MAML1: variants seen among roughly 807,000 people sequenced by gnomAD.
MAML1 encodes mastermind like transcriptional coactivator 1, also known as mastermind-like protein 1.
Under a neutral mutation model 77.1 loss-of-function variants are expected in MAML1, and 14 were observed. The observed-to-expected ratio is 0.18, with a 90% CI of 0.12 to 0.28. The LOEUF is 0.28. Ranked by LOEUF, MAML1 falls within the 10% of genes least tolerant of loss-of-function variation. MAML1 has a pLI of 1.00. For synonymous variants in MAML1, 516 were observed against 551.9 expected (o/e 0.93, Z 0.91); for missense variants, 1,217 against 1,327.8 (o/e 0.92, Z 1.30).
At position 179,775,780 on chromosome 5, in the gene MAML1, A is replaced by G; in HGVS notation, c.*903A>G. The G allele has an allele frequency of 3.0e-6, 3 of 985,560 alleles. No homozygotes were observed. Among genetic ancestry groups the G allele is most frequent in the Non-Finnish European group, 3.6e-6 (3 of 829,980 alleles). The allele number at this position is 985,560 out of a possible 1,614,324, so 61.1% of individuals were successfully genotyped here. On this transcript the variant is annotated 3_prime_UTR_variant, in exon 5 of 5. Coordinates refer to ENST00000292599, the MANE Select transcript of MAML1 (RefSeq NM_014757.5). ...GCGTGGTCACTGTGCAGTTGTGCACAGATGTCTTTCCTTTACCGTTGGCCT... is the reference window on the plus strand; with the variant it reads ...GCGTGGTCACTGTGCAGTTGTGCACGGATGTCTTTCCTTTACCGTTGGCCT...
chr5:179,735,081 G>C (rs1378498578), intron 1 of MAML1, among the ~76,000 whole-genome samples: 2 of 152,216 alleles, frequency 1.3e-5, no homozygotes, highest in African/African-American at 4.8e-5. Context: ...GCTAGATGAC[G>C]AGTTAGTGGG....
At position 179,766,582 on chromosome 5, in the gene MAML1, C is replaced by T. The variant is rs1779824321; in HGVS notation, c.1572C>T (p.Asp524=). 6.2e-7 allele frequency: 1 copy of T among 1,611,688 alleles called. No homozygotes were observed. Among genetic ancestry groups the T allele is most frequent in the South Asian group, 1.1e-5 (1 of 90,942 alleles). ...NTKPLSHYKA[D]CGQGSPGSGQ... ...AACCCCTTTCTCATTACAAAGCGGA[C>T]TGTGGGCAAGGCAGCCCGGGGTCTG... The change falls in exon 2 of 5, where the codon GAC becomes GAT. Residue 524 remains aspartate, a synonymous_variant. Transcript: ENST00000292599. The surrounding 1 kb of genome is among the most constrained non-coding windows in gnomAD (Gnocchi z 4.0).
chr5:179,741,320 T>G (rs889192976), intron 1 of MAML1, among the ~76,000 whole-genome samples: 1 of 152,174 alleles, frequency 6.6e-6, no homozygotes, highest in African/African-American at 2.4e-5. Flanking sequence ...CAAAGCCGAG[T>G]TCAGGGCTAA....
At position 179,771,098 on chromosome 5, in the gene MAML1, G is replaced by T; in HGVS notation, c.1972-49G>T. The T allele has an allele frequency of 6.9e-7, 1 of 1,456,500 alleles. No homozygotes were observed. The highest frequency in any genetic ancestry group is 9.6e-7 in the Non-Finnish European group (1 of 1,036,724). 90.2% of individuals were successfully genotyped at this position (1,456,500 alleles called of 1,614,324 possible). A position where few individuals can be genotyped will look rare whatever the true frequency, so the allele number is the denominator to read the frequency against. On this transcript the variant is annotated intron_variant, in intron 3 of 4. Transcript: ENST00000292599. The surrounding 1 kb of genome is among the most constrained non-coding windows in gnomAD (Gnocchi z 4.7). The stretch of plus-strand genomic sequence containing the variant: ...TGACCTCCCTCACTCCCTTTGTTTT[G>T]GATTTTGTTATATGTTGGTTTTGTT...
chr5:179,755,032 A>G (rs1779583650), intron 1 of MAML1, among the ~76,000 whole-genome samples: 1 of 152,110 alleles, frequency 6.6e-6, no homozygotes. Flanking sequence ...GAGGTGAAAG[A>G]GAGGCATATT....
At chr5:179,759,819 A>AG (rs1341953578) in intron 1 of MAML1, among the ~76,000 whole-genome samples, 1 of 152,188 alleles carries the variant, frequency 6.6e-6, no homozygotes, top group African/African-American at 2.4e-5. Context: ...ACAGGTTGGG[A>AG]GGGCAGGATC....
chr5:179,758,383 TTTTC>T (rs1195184200), intron 1 of MAML1, among the ~76,000 whole-genome samples: 3 of 144,340 alleles, frequency 2.1e-5, no homozygotes, highest in African/African-American at 7.5e-5. Flanking sequence ...TCTGATTTTT[TTTTC>T]TTTTTCTTTT....
At chr5:179,770,040 C>T (rs1171125496) in intron 3 of MAML1, among the ~76,000 whole-genome samples, 1 of 152,194 alleles carries the variant, frequency 6.6e-6, no homozygotes, top group African/African-American at 2.4e-5. Flanking sequence ...GCAACCATTA[C>T]CACAATCCAT....
In MAML1 at chr5:179,774,989, G is replaced by T; in HGVS notation, c.*112G>T. The T allele has an allele frequency of 6.7e-7, 1 of 1,490,042 alleles. No individual in the cohort carries two copies. Among genetic ancestry groups the T allele is most frequent in the Non-Finnish European group, 8.9e-7 (1 of 1,128,960 alleles). The allele number at this position is 1,490,042 out of a possible 1,614,324, so 92.3% of individuals were successfully genotyped here. A position where few individuals can be genotyped will look rare whatever the true frequency, so the allele number is the denominator to read the frequency against. Reference sequence around the variant, plus strand: ...AGCCCATGGCCTGGGGAGCTGGGCAGGTAGAGCCCAAGCTCCAGGTGAGGC... The same window carrying T: ...AGCCCATGGCCTGGGGAGCTGGGCATGTAGAGCCCAAGCTCCAGGTGAGGC... On this transcript the variant is annotated 3_prime_UTR_variant, in exon 5 of 5. Transcript: ENST00000292599.
Position 179,753,222 on chromosome 5 carries a change from T to TGTGTGTGTGC in MAML1, c.316-12103_316-12102insTGTGTGTGCG, listed in dbSNP as rs1491538366. On this transcript the variant is annotated intron_variant, in intron 1 of 4. Coordinates refer to ENST00000292599, the MANE Select transcript of MAML1 (RefSeq NM_014757.5). Reference sequence around the variant, plus strand: ...GTGTGTGTGTGTGTGTGTGTGTGTGTGCGCGCGCGCGCGCGCGTGCTGGGG... The same window carrying TGTGTGTGTGC: ...GTGTGTGTGTGTGTGTGTGTGTGTGTGTGTGTGTGCGCGCGCGCGCGCGCGCGTGCTGGGG... Among the ~76,000 whole-genome samples, 92 of 31,450 alleles carry TGTGTGTGTGC rather than the reference T, an allele frequency of 2.9e-3. 1 individual carries two copies. The highest frequency in any genetic ancestry group is 5.6e-3 in the African/African-American group (88 of 15,802). The allele number at this position is 31,450 out of a possible 152,430, so 20.6% of individuals were successfully genotyped here.
chr5:179,732,988 C>A lies in MAML1; in HGVS notation c.-125C>A. ...ACCCGCCGCCGCGCGCGAGCCCGCT[C>A]CGCTGCCCTCGGGGGCATGGCGCGG... On this transcript the variant is annotated 5_prime_UTR_variant, in exon 1 of 5. Coordinates refer to ENST00000292599, the MANE Select transcript of MAML1 (RefSeq NM_014757.5). The A allele has an allele frequency of 1.9e-6, 1 of 524,874 alleles. No homozygotes were observed. Among genetic ancestry groups the A allele is most frequent in the Non-Finnish European group, 2.8e-6 (1 of 362,350 alleles). The allele number at this position is 524,874 out of a possible 1,614,324, so 32.5% of individuals were successfully genotyped here. A position where few individuals can be genotyped will look rare whatever the true frequency, so the allele number is the denominator to read the frequency against.
At chr5:179,734,988 C>A (rs1202514525) in intron 1 of MAML1, among the ~76,000 whole-genome samples, 2 of 152,042 alleles carry the variant, frequency 1.3e-5, no homozygotes, top group Non-Finnish European at 2.9e-5. Context: ...CCCCAGGATT[C>A]TTTTAAGAAT....
At chr5:179,743,824 A>G (rs1008640414) in intron 1 of MAML1, among the ~76,000 whole-genome samples, 1 of 152,160 alleles carries the variant, frequency 6.6e-6, no homozygotes, top group African/African-American at 2.4e-5. Flanking sequence ...TTTAGGTAAC[A>G]GTCTTATAAT....
rs901375947 is a variant in MAML1 at position 179,769,246 on chromosome 5, T to C, written c.1971+157T>C. ...CCTTTTAAAAACATCTTTCCAGGAA[T>C]GTGGCATTTCTCAGACAGGGGTAGT... On this transcript the variant is annotated intron_variant, in intron 3 of 4. Transcript: ENST00000292599. The surrounding 1 kb of genome is among the most constrained non-coding windows in gnomAD (Gnocchi z 4.2). Among the ~76,000 whole-genome samples the C allele has an allele frequency of 3.9e-5, 6 of 152,210 alleles. No individual in the cohort carries two copies. The highest frequency in any genetic ancestry group is 1.4e-4 in the African/African-American group (6 of 41,450).
intron 3 of MAML1, among the ~76,000 whole-genome samples, chr5:179,770,338 C>A (rs1755956111): frequency 6.6e-6 from 1 of 152,154 alleles, no homozygotes; most frequent in South Asian, 2.1e-4. Context: ...GTCCCAGCTA[C>A]TCGGGAGGCC....
chr5:179,767,506 G>A (rs531427557), intron 2 of MAML1, among the ~76,000 whole-genome samples: 3 of 148,752 alleles, frequency 2.0e-5, no homozygotes, highest in African/African-American at 7.3e-5. Context: ...CTATATACCC[G>A]ACAAGTTGAT....
At chr5:179,750,093 C>T (rs1158242957) in intron 1 of MAML1, among the ~76,000 whole-genome samples, 2 of 152,270 alleles carry the variant, frequency 1.3e-5, no homozygotes, top group Non-Finnish European at 2.9e-5. Flanking sequence ...TCTCCTTGCA[C>T]TGCCAGTGTG....
Position 179,774,972 on chromosome 5 carries a change from G to A in MAML1, c.*95G>A. On this transcript the variant is annotated 3_prime_UTR_variant, in exon 5 of 5. Transcript: ENST00000292599. ...AACTACTTTGGACCAAAAGCCCATGGCCTGGGGAGCTGGGCAGGTAGAGCC... is the reference window on the plus strand; with the variant it reads ...AACTACTTTGGACCAAAAGCCCATGACCTGGGGAGCTGGGCAGGTAGAGCC... 2 of 1,502,158 alleles carry A rather than the reference G, an allele frequency of 1.3e-6. No homozygotes were observed. The highest frequency in any genetic ancestry group is 4.4e-5 in the Admixed American group (2 of 45,762). The allele number at this position is 1,502,158 out of a possible 1,614,324, so 93.1% of individuals were successfully genotyped here.
intron 1 of MAML1, among the ~76,000 whole-genome samples, chr5:179,746,304 C>A (rs1779382186): frequency 6.6e-6 from 1 of 152,000 alleles, no homozygotes; most frequent in African/African-American, 2.4e-5. Flanking sequence ...GGAGATTGTG[C>A]CACTGCACTG....
Sources: allele counts gnomAD v4.1 joint callset (sites outside exome capture counted in the v4.1 genomes callset), GRCh38; gene constraint gnomAD v4.1.1; non-coding constraint Gnocchi (gnomAD v3.1); transcripts MANE v1.5; gene names NCBI Gene and HGNC (gene_info 2026-07-23, HGNC 2026-07-21).